ASIC2: variants seen among roughly 807,000 people sequenced by gnomAD.
ASIC2 encodes the protein acid sensing ion channel subunit 2.
ASIC2 carries 25 observed loss-of-function variants against 57.3 expected under a neutral mutation model. The observed-to-expected ratio is 0.44, with a 90% CI of 0.32 to 0.61. ASIC2 has a LOEUF of 0.61. Ranked by LOEUF, ASIC2 falls within the 20% of genes least tolerant of loss-of-function variation. The pLI is 0.06. For synonymous variants in ASIC2, 319 were observed against 307.5 expected (o/e 1.04, Z -0.39); for missense variants, 641 against 738.1 (o/e 0.87, Z 1.52).
intron 1 of ASIC2, among the ~76,000 whole-genome samples, chr17:34,029,527 A>T (rs184021013): frequency 6.6e-6 from 1 of 152,302 alleles, no homozygotes; most frequent in Admixed American, 6.5e-5. Flanking sequence ...CCCAAAATTC[A>T]TATGTTGAAG....
chr17:33,567,584 G>A (rs1298031744), intron 1 of ASIC2, among the ~76,000 whole-genome samples: 4 of 152,146 alleles, frequency 2.6e-5, no homozygotes, highest in East Asian at 1.9e-4. Flanking sequence ...AGGGAGAAGC[G>A]TGGCAGGCCT....
intron 1 of ASIC2, among the ~76,000 whole-genome samples, chr17:33,605,848 CT>C (rs2142012539): frequency 6.6e-6 from 1 of 152,282 alleles, no homozygotes; most frequent in African/African-American, 2.4e-5. Context: ...GCTCATCCCC[CT>C]GTCTTAGACA....
chr17:33,077,667 C>G (rs1204060704), intron 3 of ASIC2, among the ~76,000 whole-genome samples: 1 of 152,124 alleles, frequency 6.6e-6, no homozygotes, highest in South Asian at 2.1e-4. Context: ...AGAATGATTA[C>G]TGGGGGCTGT....
At chr17:33,607,617 C>T (rs973396396) in intron 1 of ASIC2, among the ~76,000 whole-genome samples, 5 of 152,178 alleles carry the variant, frequency 3.3e-5, no homozygotes, top group African/African-American at 1.2e-4. Flanking sequence ...GTCTACATCT[C>T]CCCGATGAGG....
At chr17:33,880,365 C>T (rs1914668376) in intron 1 of ASIC2, among the ~76,000 whole-genome samples, 2 of 151,630 alleles carry the variant, frequency 1.3e-5, no homozygotes, top group African/African-American at 4.9e-5. Context: ...ACTAGCAAGA[C>T]TAATAAAGAA....
In ASIC2 at chr17:33,978,286, T is replaced by C. The variant is rs182690064; in HGVS notation, c.555+177692A>G. On this transcript the variant is annotated intron_variant, in intron 1 of 9. Coordinates refer to the ASIC2 transcript ENST00000359872. ...TTTCCGTGAAGGCAGAGAGAGGAGCTATTTGCATGCCAGCCCAGGGCTACG... is the reference window on the plus strand; with the variant it reads ...TTTCCGTGAAGGCAGAGAGAGGAGCCATTTGCATGCCAGCCCAGGGCTACG... Among the ~76,000 whole-genome samples the C allele has an allele frequency of 1.2e-3, 179 of 152,270 alleles. 1 individual carries two copies. Among genetic ancestry groups the C allele is most frequent in the African/African-American group, 4.2e-3 (176 of 41,542 alleles).
intron 1 of ASIC2, among the ~76,000 whole-genome samples, chr17:33,337,039 C>A (rs546374125): frequency 6.6e-6 from 1 of 150,452 alleles, no homozygotes; most frequent in African/African-American, 2.5e-5. Flanking sequence ...CTAATTTGGG[C>A]TCTCCAAGCA....
At chr17:33,931,031 G>A (rs568107739) in intron 1 of ASIC2, 1 of 152,538 alleles carries the variant, frequency 6.6e-6, no homozygotes, top group Admixed American at 6.5e-5. Flanking sequence ...CCATTCTCCT[G>A]CCTCAGCCTC....
intron 1 of ASIC2, among the ~76,000 whole-genome samples, chr17:33,254,074 C>T (rs1196971285): frequency 1.3e-5 from 2 of 152,114 alleles, no homozygotes; most frequent in African/African-American, 2.4e-5. Context: ...CCATCAATTG[C>T]TAATGGTTTC....
intron 1 of ASIC2, among the ~76,000 whole-genome samples, chr17:33,996,788 C>T (rs1597967095): frequency 6.6e-6 from 1 of 152,260 alleles, no homozygotes; most frequent in Middle Eastern, 3.4e-3. Flanking sequence ...ATCAAGATGT[C>T]CAAGGCCTCT....
intron 1 of ASIC2, among the ~76,000 whole-genome samples, chr17:33,514,299 C>A (rs965787031): frequency 2.0e-5 from 3 of 152,164 alleles, no homozygotes; most frequent in African/African-American, 7.2e-5. Flanking sequence ...CCCCAATGAA[C>A]TGAAATGAAA....
chr17:34,149,100 C>CT (rs1175156864), intron 1 of ASIC2, among the ~76,000 whole-genome samples: 5 of 142,378 alleles, frequency 3.5e-5, no homozygotes, highest in Non-Finnish European at 7.6e-5. Flanking sequence ...TTTCTTTTTT[C>CT]TTTTTTTTCT....
At chr17:33,446,509 T>A (rs1912023616) in intron 1 of ASIC2, among the ~76,000 whole-genome samples, 2 of 152,178 alleles carry the variant, frequency 1.3e-5, no homozygotes. Flanking sequence ...ACTACCACGC[T>A]GAAAGCATCT....
chr17:34,098,983 G>T (rs1329974730), intron 1 of ASIC2, among the ~76,000 whole-genome samples: 6 of 151,834 alleles, frequency 4.0e-5, no homozygotes, highest in Non-Finnish European at 5.9e-5. Flanking sequence ...AGGCAAGTTT[G>T]GTGGGGGAGG....
chr17:33,024,157 A>C, intron 5 of ASIC2, 143 bp from the exon 6 acceptor site: 1 of 1,084,836 alleles, frequency 9.2e-7, no homozygotes, highest in East Asian at 2.4e-5. Context: ...GATTGTGGAG[A>C]GAGGGGAACT....
intron 1 of ASIC2, among the ~76,000 whole-genome samples, chr17:33,314,446 C>T (rs1435134257): frequency 6.6e-6 from 1 of 152,156 alleles, no homozygotes; most frequent in Non-Finnish European, 1.5e-5. Flanking sequence ...GCAAAAGAAT[C>T]CATCATTCCA....
At chr17:33,203,389 C>T (rs1472061227) in intron 1 of ASIC2, among the ~76,000 whole-genome samples, 2 of 152,224 alleles carry the variant, frequency 1.3e-5, no homozygotes, top group South Asian at 2.1e-4. Flanking sequence ...GTCCAGCCCA[C>T]ACAGTTGGAG....
Position 33,468,065 on chromosome 17 carries a change from C to T in ASIC2, c.556-355998G>A, listed in dbSNP as rs528094481. 1.9e-4 allele frequency among the ~76,000 whole-genome samples: 29 copies of T among 152,328 alleles called. No homozygotes were observed. The East Asian group carries it at 4.8e-3, about 25-fold the overall frequency. On this transcript the variant is annotated intron_variant, in intron 1 of 9. Transcript: ENST00000359872. ...GGACTAAGATGCTCAGACCAGCAGG[C>T]TTCTAGACATATCAGATGGCTCTTC... is the stretch of plus-strand genomic sequence containing the variant.
chr17:33,717,890 GTTA>G (rs1161752199), intron 1 of ASIC2, among the ~76,000 whole-genome samples: 1 of 152,190 alleles, frequency 6.6e-6, no homozygotes, highest in Non-Finnish European at 1.5e-5. Flanking sequence ...TCTTCTTACA[GTTA>G]TTATTACATT....
Sources: gnomAD v4.1 joint callset for allele counts (sites outside exome capture counted in the v4.1 genomes callset) on GRCh38, gnomAD v4.1.1 for gene constraint, MANE v1.5 for transcripts, NCBI Gene and HGNC (gene_info 2026-07-23, HGNC 2026-07-21) for gene names.